Variants in DAB1 observed in about 807,000 individuals in gnomAD.
DAB1 encodes the protein disabled homolog 1.
DAB1 carries 15 observed loss-of-function variants against 64.6 expected under a neutral mutation model. The observed-to-expected ratio is 0.23, with a 90% CI of 0.16 to 0.36. The LOEUF is 0.36. DAB1 is among the 10% of genes least tolerant of loss of function. The probability of loss-of-function intolerance (pLI) is 1.00; values close to 1 mark genes in which losing one functional copy is unlikely to be tolerated. For synonymous variants in DAB1, 235 were observed against 251.9 expected (o/e 0.93, Z 0.64); for missense variants, 596 against 706.7 (o/e 0.84, Z 1.78).
At chr1:58,528,768 C>T (rs146626918) in intron 1 of DAB1, among the ~76,000 whole-genome samples, 1 of 152,326 alleles carries the variant, frequency 6.6e-6, no homozygotes, top group Non-Finnish European at 1.5e-5. Context: ...TCACTATCAA[C>T]ATTCCTCTCT....
At chr1:58,537,295 A>C (rs1338870363) in intron 1 of DAB1, among the ~76,000 whole-genome samples, 1 of 152,164 alleles carries the variant, frequency 6.6e-6, no homozygotes, top group East Asian at 1.9e-4. Context: ...ATAAATCTAT[A>C]CCTGGAACCA....
intron 5 of DAB1, among the ~76,000 whole-genome samples, chr1:58,125,821 T>G (rs555910678): frequency 1.3e-5 from 2 of 152,182 alleles, no homozygotes; most frequent in African/African-American, 2.4e-5. Flanking sequence ...TCAGCTCATT[T>G]TATGGATAGG....
intron 1 of DAB1, among the ~76,000 whole-genome samples, chr1:57,327,500 C>T (rs537520524): frequency 7.2e-5 from 11 of 152,104 alleles, no homozygotes; most frequent in Non-Finnish European, 1.6e-4. Flanking sequence ...ATCCTCCGGA[C>T]GGCAGATGGG....
At chr1:58,201,540 T>C (rs1657995114) in intron 4 of DAB1, among the ~76,000 whole-genome samples, 1 of 152,222 alleles carries the variant, frequency 6.6e-6, no homozygotes, top group South Asian at 2.1e-4. Context: ...TTGACAAATG[T>C]ACACTTAAAA....
intron 7 of DAB1, among the ~76,000 whole-genome samples, chr1:57,633,952 A>G (rs1646021508): frequency 6.6e-6 from 1 of 152,220 alleles, no homozygotes. Context: ...TATCAGTCAA[A>G]ATTTTCTGTC....
At chr1:58,095,733 ATC>A (rs549277379) in intron 5 of DAB1, among the ~76,000 whole-genome samples, 198 of 152,290 alleles carry the variant, frequency 1.3e-3, no homozygotes, top group African/African-American at 4.4e-3. Context: ...CTGAATGAAG[ATC>A]TCTGTGTCCT....
chr1:58,311,656 C>A (rs1042733778), intron 4 of DAB1, among the ~76,000 whole-genome samples: 8 of 152,132 alleles, frequency 5.3e-5, no homozygotes, highest in African/African-American at 1.4e-4. Flanking sequence ...GTCTAGGGTA[C>A]TTCCTACCCA....
rs189646064 is a variant in DAB1 at position 57,478,773 on chromosome 1, G to A, written n.625+170819C>T. Among the ~76,000 whole-genome samples, 466 of 144,666 alleles carry A rather than the reference G, an allele frequency of 3.2e-3. 3 individuals are homozygous for A. The highest frequency in any genetic ancestry group is 0.011 in the African/African-American group (428 of 39,294). 94.9% of individuals were successfully genotyped at this position (144,666 alleles called of 152,430 possible). ...ATGCCCAGCTAACTTTTTTTTTTTT[G>A]TATTTTTTAGTAGAGATGGGGTTTC... On this transcript the variant is annotated intron_variant and non_coding_transcript_variant, in intron 7 of 20. Transcript: ENST00000485760.
chr1:57,347,329 A>G (rs1678194684), intron 1 of DAB1, among the ~76,000 whole-genome samples: 2 of 152,210 alleles, frequency 1.3e-5, no homozygotes, highest in African/African-American at 4.8e-5. Flanking sequence ...CTTGCAAAAT[A>G]GGCCTGCTGT....
intron 7 of DAB1, among the ~76,000 whole-genome samples, chr1:57,563,644 C>T (rs2263447): frequency 0.66 from 100,407 of 152,004 alleles, 34,081 homozygotes; most frequent in South Asian, 0.79. Flanking sequence ...GAGATTATAT[C>T]CTGCACCTGG....
rs187610961 is a variant in DAB1 at position 57,754,211 on chromosome 1, T to C, written n.552-104546A>G. ...ATGATATTCCCTCCCCATCATCTTT[T>C]ATGCAGCTACTACATACGTGGGCAT... On this transcript the variant is annotated intron_variant and non_coding_transcript_variant, in intron 6 of 20. Transcript: ENST00000485760. Among the ~76,000 whole-genome samples the C allele has an allele frequency of 3.9e-5, 6 of 152,294 alleles. 1 individual carries two copies. The highest frequency in any genetic ancestry group is 3.9e-4 in the Admixed American group (6 of 15,304).
At chr1:58,378,954 C>T (rs1395841141) in intron 3 of DAB1, among the ~76,000 whole-genome samples, 125 of 101,442 alleles carry the variant, frequency 1.2e-3, no homozygotes, top group African/African-American at 1.8e-3. Flanking sequence ...CAGGTGCGTC[C>T]GTCACCCCTT....
chr1:57,348,379 T>C (rs1461338723), intron 1 of DAB1, among the ~76,000 whole-genome samples: 1 of 152,100 alleles, frequency 6.6e-6, no homozygotes, highest in Non-Finnish European at 1.5e-5. Flanking sequence ...AGAAGGCAAG[T>C]CTTCATGTTA....
chr1:57,021,263 G>A (rs1646608850), intron 11 of DAB1, among the ~76,000 whole-genome samples: 1 of 152,162 alleles, frequency 6.6e-6, no homozygotes, highest in South Asian at 2.1e-4. Flanking sequence ...AGCTTCCAAT[G>A]TGGCTGGTTA....
chr1:58,092,905 C>T (rs903585367), intron 5 of DAB1, among the ~76,000 whole-genome samples: 2 of 152,194 alleles, frequency 1.3e-5, no homozygotes, highest in Non-Finnish European at 2.9e-5. Flanking sequence ...AGTTTGGTTT[C>T]TTCTAATCAA....
chr1:57,753,637 G>T (rs941575997), intron 6 of DAB1, among the ~76,000 whole-genome samples: 2 of 152,186 alleles, frequency 1.3e-5, no homozygotes, highest in Admixed American at 1.3e-4. Flanking sequence ...CTCTTTCTAT[G>T]ATGTTTATCC....
Position 58,518,701 on chromosome 1 carries a change from G to C in DAB1, n.107+8560C>G, listed in dbSNP as rs528208998. Reference sequence around the variant, plus strand: ...TGAATAGAGGGTAGTATATTCATTGGGAAAAGGGAGACCAGAAGAAAAACA... The same window carrying C: ...TGAATAGAGGGTAGTATATTCATTGCGAAAAGGGAGACCAGAAGAAAAACA... On this transcript the variant is annotated intron_variant and non_coding_transcript_variant, in intron 2 of 20. Coordinates refer to the DAB1 transcript ENST00000485760. Among the ~76,000 whole-genome samples, 3 of 152,064 alleles carry C rather than the reference G, an allele frequency of 2.0e-5. No homozygotes were observed. The South Asian group carries it at 6.2e-4, about 32-fold the overall frequency.
At chr1:58,223,555 T>C (rs1659291992) in intron 4 of DAB1, among the ~76,000 whole-genome samples, 1 of 152,234 alleles carries the variant, frequency 6.6e-6, no homozygotes, top group Non-Finnish European at 1.5e-5. Context: ...GACACCTTCT[T>C]GGCTTGCTTG....
At chr1:58,376,403 A>G (rs1375943833) in intron 3 of DAB1, among the ~76,000 whole-genome samples, 1 of 134,126 alleles carries the variant, frequency 7.5e-6, no homozygotes, top group Non-Finnish European at 1.6e-5. Context: ...GGTTTCAAAG[A>G]ACATCTTTAT....
Sources: allele counts gnomAD v4.1 joint callset (sites outside exome capture counted in the v4.1 genomes callset), GRCh38; gene constraint gnomAD v4.1.1; transcripts MANE v1.5; gene names NCBI Gene and HGNC (gene_info 2026-07-23, HGNC 2026-07-21).